The following MOXD1 variants were observed in gnomAD, a reference collection of about 807,000 sequenced individuals.
MOXD1 encodes the protein DBH-like monooxygenase protein 1.
A neutral mutation model predicts 66.6 loss-of-function variants in MOXD1; 62 were observed. That is an observed-to-expected ratio of 0.93 (90% CI 0.76 to 1.15). MOXD1 has a LOEUF of 1.15. Ranked by LOEUF, MOXD1 falls within the 50% of genes most tolerant of loss-of-function variation. The probability of loss-of-function intolerance (pLI) is 0.00; values close to 1 mark genes in which losing one functional copy is unlikely to be tolerated. For synonymous variants in MOXD1, 303 were observed against 281.9 expected (o/e 1.07, Z -0.75); for missense variants, 847 against 754.6 (o/e 1.12, Z -1.44).
At position 132,325,453 on chromosome 6, in the gene MOXD1, G is replaced by A. The variant is rs892772765; in HGVS notation, c.947-1356C>T. Among the ~76,000 whole-genome samples, 49 of 152,154 alleles carry A rather than the reference G, an allele frequency of 3.2e-4. 1 individual carries two copies. Among genetic ancestry groups the A allele is most frequent in the Admixed American group, 2.9e-3 (44 of 15,272 alleles). On this transcript the variant is annotated intron_variant, in intron 6 of 11. Transcript: ENST00000367963. ...CATGAGGGCTTGGCCCCTGTGAATC[G>A]ATTAATGCCATTATTTCAGAAGTGG...
chr6:132,363,563 T>C (rs1345357549), intron 4 of MOXD1, among the ~76,000 whole-genome samples: 1 of 152,126 alleles, frequency 6.6e-6, no homozygotes, highest in African/African-American at 2.4e-5. Context: ...CAAAATTGTA[T>C]GGAAAAAGCC....
At chr6:132,367,420 T>C (rs1429360591) in intron 4 of MOXD1, among the ~76,000 whole-genome samples, 6 of 152,084 alleles carry the variant, frequency 3.9e-5, no homozygotes, top group Non-Finnish European at 5.9e-5. Flanking sequence ...CATAGCAATC[T>C]TGTTAGGTAA....
intron 1 of MOXD1, among the ~76,000 whole-genome samples, chr6:132,397,404 G>C (rs929231863): frequency 3.3e-5 from 5 of 152,182 alleles, no homozygotes; most frequent in Non-Finnish European, 5.9e-5. Flanking sequence ...AATGGGACTT[G>C]CTTCTCTGCC....
intron 4 of MOXD1, among the ~76,000 whole-genome samples, chr6:132,352,347 GT>G (rs1775818038): frequency 6.6e-6 from 1 of 152,024 alleles, no homozygotes; most frequent in African/African-American, 2.4e-5. Flanking sequence ...TTGTCATTCA[GT>G]TCAAAGAATT....
intron 4 of MOXD1, among the ~76,000 whole-genome samples, chr6:132,336,840 C>T (rs1362987532): frequency 6.6e-6 from 1 of 152,218 alleles, no homozygotes. Context: ...CGTCTACCAT[C>T]TTCAAACACA....
chr6:132,363,301 A>G (rs754071428), intron 4 of MOXD1, among the ~76,000 whole-genome samples: 2 of 151,920 alleles, frequency 1.3e-5, no homozygotes, highest in Non-Finnish European at 2.9e-5. Flanking sequence ...TGATGTCACT[A>G]TAAGTGTCTG....
chr6:132,384,758 C>A (rs1386342362), intron 1 of MOXD1, among the ~76,000 whole-genome samples: 5 of 152,194 alleles, frequency 3.3e-5, no homozygotes, highest in African/African-American at 1.2e-4. Flanking sequence ...GCCAGTGGGA[C>A]TGAATTACAG....
chr6:132,397,337 C>T (rs1353946679), intron 1 of MOXD1, among the ~76,000 whole-genome samples: 2 of 152,224 alleles, frequency 1.3e-5, no homozygotes, highest in African/African-American at 4.8e-5. Flanking sequence ...GAACAATGGG[C>T]AAAGCCCCCA....
intron 10 of MOXD1, among the ~76,000 whole-genome samples, chr6:132,315,049 A>T (rs1774910780): frequency 6.6e-6 from 1 of 152,230 alleles, no homozygotes; most frequent in Admixed American, 6.5e-5. Context: ...TCTAATGATA[A>T]GAGTGACTCA....
At chr6:132,387,618 G>A (rs1776677784) in intron 1 of MOXD1, among the ~76,000 whole-genome samples, 1 of 150,354 alleles carries the variant, frequency 6.7e-6, no homozygotes, top group Admixed American at 6.7e-5. Flanking sequence ...GCCGGGTATG[G>A]TGGTGCACGC....
chr6:132,317,905 A>G, intron 9 of MOXD1, among the ~76,000 whole-genome samples: 1 of 152,070 alleles, frequency 6.6e-6, no homozygotes, highest in Non-Finnish European at 1.5e-5. Flanking sequence ...TCCCTAAACA[A>G]TATATTGTTT....
chr6:132,298,394 T>C (rs1346339879), intron 10 of MOXD1, among the ~76,000 whole-genome samples: 1 of 152,170 alleles, frequency 6.6e-6, no homozygotes, highest in East Asian at 1.9e-4. Flanking sequence ...TTGGTTTGGT[T>C]CTAGTTAAAA....
At chr6:132,318,723 A>T (rs1775009662) in intron 9 of MOXD1, among the ~76,000 whole-genome samples, 1 of 152,068 alleles carries the variant, frequency 6.6e-6, no homozygotes, top group African/African-American at 2.4e-5. Context: ...TTTGCTTAAA[A>T]AATTCTTAAC....
chr6:132,371,181 A>G (rs1405079035), intron 4 of MOXD1, among the ~76,000 whole-genome samples: 2 of 152,152 alleles, frequency 1.3e-5, no homozygotes, highest in Non-Finnish European at 2.9e-5. Flanking sequence ...CAAATGACAT[A>G]CAGTACATAT....
chr6:132,383,593 G>T (rs1776553742), intron 1 of MOXD1, among the ~76,000 whole-genome samples: 1 of 152,086 alleles, frequency 6.6e-6, no homozygotes, highest in South Asian at 2.1e-4. Flanking sequence ...CATTTCAGTT[G>T]TCACGTAGGA....
At chr6:132,349,917 T>C (rs1346743330) in intron 4 of MOXD1, among the ~76,000 whole-genome samples, 1 of 152,220 alleles carries the variant, frequency 6.6e-6, no homozygotes, top group Non-Finnish European at 1.5e-5. Flanking sequence ...TATTTGTATA[T>C]CTTCCTTTGA....
At chr6:132,349,436 CATATATATATATATACATAT>C (rs1167048831) in intron 4 of MOXD1, among the ~76,000 whole-genome samples, 57 of 17,256 alleles carry the variant, frequency 3.3e-3, no homozygotes, top group African/African-American at 7.0e-3. Flanking sequence ...TATATATATA[CATATATATATATATACATAT>C]ATATATATAC....
At chr6:132,301,669 C>A (rs986019756) in intron 10 of MOXD1, among the ~76,000 whole-genome samples, 2 of 152,120 alleles carry the variant, frequency 1.3e-5, no homozygotes, top group East Asian at 3.9e-4. Flanking sequence ...ATATTACACA[C>A]TCTCCATCCA....
At chr6:132,400,907 G>C (rs1039275671) in intron 1 of MOXD1, among the ~76,000 whole-genome samples, 2 of 152,088 alleles carry the variant, frequency 1.3e-5, no homozygotes, top group Non-Finnish European at 2.9e-5. Context: ...TAAGTGGGGC[G>C]CTGGGGACAG....
Sources: allele counts gnomAD v4.1 joint callset (sites outside exome capture counted in the v4.1 genomes callset), GRCh38; gene constraint gnomAD v4.1.1; transcripts MANE v1.5; gene names NCBI Gene and HGNC (gene_info 2026-07-23, HGNC 2026-07-21).